Variants in RTN1 observed in about 807,000 individuals in gnomAD.
RTN1 encodes reticulon 1, also known as reticulon-1.
A neutral mutation model predicts 65.5 loss-of-function variants in RTN1; 25 were observed. That is an observed-to-expected ratio of 0.38 (90% CI 0.28 to 0.53). RTN1 has a LOEUF of 0.53. Among genes scored for constraint, RTN1 ranks in the 20% least tolerant of loss-of-function variants. RTN1 has a pLI of 0.79. For synonymous variants in RTN1, 471 were observed against 447.6 expected (o/e 1.05, Z -0.66); for missense variants, 983 against 1,025.4 (o/e 0.96, Z 0.57).
chr14:59,830,597 T>A (rs1413195454), intron 1 of RTN1, among the ~76,000 whole-genome samples: 1 of 152,206 alleles, frequency 6.6e-6, no homozygotes, highest in Non-Finnish European at 1.5e-5. Context: ...CCTTCATCTT[T>A]AAAATCAGGA....
intron 3 of RTN1, among the ~76,000 whole-genome samples, chr14:59,645,028 C>A (rs1401411023): frequency 6.6e-6 from 1 of 152,136 alleles, no homozygotes; most frequent in Non-Finnish European, 1.5e-5. Context: ...CTAGAGAGTC[C>A]AAGGCAACTA....
chr14:59,616,034 T>C (rs1275898594), intron 3 of RTN1, among the ~76,000 whole-genome samples: 4 of 152,206 alleles, frequency 2.6e-5, no homozygotes, highest in African/African-American at 9.6e-5. Flanking sequence ...TTATAAATTA[T>C]GTCTCTTTTT....
intron 2 of RTN1, among the ~76,000 whole-genome samples, chr14:59,740,358 T>G (rs1885092885): frequency 6.6e-6 from 1 of 152,232 alleles, no homozygotes; most frequent in Non-Finnish European, 1.5e-5. Context: ...CATGTGTGAT[T>G]CTAACAGTCA....
intron 3 of RTN1, among the ~76,000 whole-genome samples, chr14:59,632,658 G>A (rs775359540): frequency 2.0e-5 from 3 of 152,140 alleles, no homozygotes; most frequent in East Asian, 1.9e-4. Flanking sequence ...GGGAAACAGC[G>A]TGTACTGCCA....
intron 3 of RTN1, among the ~76,000 whole-genome samples, chr14:59,684,963 A>G (rs1438289269): frequency 1.3e-5 from 2 of 152,094 alleles, no homozygotes; most frequent in African/African-American, 4.8e-5. Flanking sequence ...AAAATTTTAA[A>G]AAGTAACTTT....
In RTN1 at chr14:59,857,598, C is replaced by G. The variant is rs79821136; in HGVS notation, c.241+12792G>C. The stretch of plus-strand genomic sequence containing the variant: ...TTGTGAAGCCTCTCATCTTTCTTCC[C>G]ATGTACCTCCCTCTTTATTCCCATG... On this transcript the variant is annotated intron_variant, in intron 1 of 8. Coordinates refer to ENST00000267484, the MANE Select transcript of RTN1 (RefSeq NM_021136.3). Among the ~76,000 whole-genome samples, 537 of 152,276 alleles carry G rather than the reference C, an allele frequency of 3.5e-3. 20 individuals carry two copies. The East Asian group carries it at 0.061, about 17-fold the overall frequency.
chr14:59,750,102 T>A (rs1421698754), intron 1 of RTN1, among the ~76,000 whole-genome samples: 2 of 57,942 alleles, frequency 3.5e-5, no homozygotes, highest in South Asian at 3.8e-4. Context: ...TATTATATAT[T>A]ATATATTATA....
intron 1 of RTN1, among the ~76,000 whole-genome samples, chr14:59,856,921 T>C (rs1379007271): frequency 6.6e-6 from 1 of 152,192 alleles, no homozygotes; most frequent in Non-Finnish European, 1.5e-5. Flanking sequence ...GCCAGAACAG[T>C]ACTGTGCTCA....
At chr14:59,851,533 AT>A (rs754730654) in intron 1 of RTN1, among the ~76,000 whole-genome samples, 34 of 151,728 alleles carry the variant, frequency 2.2e-4, no homozygotes, top group African/African-American at 7.0e-4. Flanking sequence ...TAAAAATATG[AT>A]TTTTTTTTGT....
intron 1 of RTN1, among the ~76,000 whole-genome samples, chr14:59,838,676 G>T (rs910692755): frequency 6.6e-6 from 1 of 152,068 alleles, no homozygotes; most frequent in East Asian, 1.9e-4. Context: ...TGTATATTAA[G>T]ATATAAAGGA....
At chr14:59,715,172 A>C (rs1319097008) in intron 3 of RTN1, among the ~76,000 whole-genome samples, 1 of 152,224 alleles carries the variant, frequency 6.6e-6, no homozygotes, top group Non-Finnish European at 1.5e-5. Context: ...ACAAAACTTA[A>C]TAGTTCAGGT....
At chr14:59,796,280 A>G (rs1298061130) in intron 1 of RTN1, among the ~76,000 whole-genome samples, 1 of 152,162 alleles carries the variant, frequency 6.6e-6, no homozygotes, top group Admixed American at 6.6e-5. Context: ...GAACTATACC[A>G]TCTAGGTTTG....
intron 3 of RTN1, among the ~76,000 whole-genome samples, chr14:59,708,942 A>G (rs1253243154): frequency 6.6e-6 from 1 of 152,236 alleles, no homozygotes; most frequent in African/African-American, 2.4e-5. Context: ...TATTCTTATT[A>G]TAGTTAATGT....
chr14:59,668,158 G>A (rs968198073), intron 3 of RTN1, among the ~76,000 whole-genome samples: 1 of 151,892 alleles, frequency 6.6e-6, no homozygotes, highest in African/African-American at 2.4e-5. Context: ...GAATCCTACA[G>A]AAAAAGAACA....
At chr14:59,708,380 T>G (rs1261399765) in intron 3 of RTN1, among the ~76,000 whole-genome samples, 1 of 152,250 alleles carries the variant, frequency 6.6e-6, no homozygotes, top group Non-Finnish European at 1.5e-5. Context: ...CATGATATTT[T>G]CAGATAATGT....
chr14:59,664,395 A>T (rs12890198), intron 3 of RTN1, among the ~76,000 whole-genome samples: 1 of 152,162 alleles, frequency 6.6e-6, no homozygotes, highest in East Asian at 1.9e-4. Context: ...GCAGCAAACC[A>T]CCATGGCACG....
At chr14:59,842,312 G>A (rs1265087118) in intron 1 of RTN1, among the ~76,000 whole-genome samples, 3 of 151,886 alleles carry the variant, frequency 2.0e-5, no homozygotes. Context: ...AAAACTAATG[G>A]AATAAATAGA....
rs547731306 is a variant in RTN1, at chr14:59,870,265, G to A, written c.241+125C>T. On this transcript the variant is annotated intron_variant, in intron 1 of 8. Transcript: ENST00000267484. This position sits in a 1 kb window ranked among gnomAD's most constrained non-coding sequence, Gnocchi z 5.1. ...TATTCCCAGTCGCCCGTGGCGACGCGGGGGTGGGGTCGGCGCTCAAGGCAG... is the reference window on the plus strand; with the variant it reads ...TATTCCCAGTCGCCCGTGGCGACGCAGGGGTGGGGTCGGCGCTCAAGGCAG... 5.3e-6 allele frequency: 5 copies of A among 948,610 alleles called. No individual in the cohort carries two copies. The highest frequency in any genetic ancestry group is 6.5e-5 in the East Asian group (2 of 30,650). 58.8% of individuals were successfully genotyped at this position (948,610 alleles called of 1,614,324 possible). A position where few individuals can be genotyped will look rare whatever the true frequency, so the allele number is the denominator to read the frequency against.
chr14:59,839,637 A>C (rs1887275159), intron 1 of RTN1, among the ~76,000 whole-genome samples: 1 of 152,186 alleles, frequency 6.6e-6, no homozygotes, highest in African/African-American at 2.4e-5. Context: ...ATTACTCTAT[A>C]TATGAAAAAA....
Sources: allele counts gnomAD v4.1 joint callset (sites outside exome capture counted in the v4.1 genomes callset), GRCh38; gene constraint gnomAD v4.1.1; non-coding constraint Gnocchi (gnomAD v3.1); transcripts MANE v1.5; gene names NCBI Gene and HGNC (gene_info 2026-07-23, HGNC 2026-07-21).